PALD1: variants seen among roughly 807,000 people sequenced by gnomAD.
PALD1 encodes the protein phosphatase domain containing paladin 1, also known as paladin.
Under a neutral mutation model 96.0 loss-of-function variants are expected in PALD1, and 57 were observed. The ratio of observed to expected loss-of-function variants is 0.59; its 90% CI spans 0.48 to 0.74. The LOEUF is 0.74. PALD1 is among the 30% of genes least tolerant of loss of function. PALD1 has a pLI of 0.00. For synonymous variants in PALD1, 464 were observed against 473.6 expected (o/e 0.98, Z 0.26); for missense variants, 1,063 against 1,143.7 (o/e 0.93, Z 1.02).
chr10:70,554,369 C>T (rs1847546745), intron 18 of PALD1, among the ~76,000 whole-genome samples: 2 of 152,188 alleles, frequency 1.3e-5, no homozygotes, highest in Admixed American at 1.3e-4. Flanking sequence ...GCAGAGGTTG[C>T]AGTAAGCCGA....
chr10:70,555,954 T>A (rs530554285), intron 18 of PALD1, among the ~76,000 whole-genome samples: 11 of 152,216 alleles, frequency 7.2e-5, no homozygotes, highest in African/African-American at 2.6e-4. Context: ...TGAGCTGAGA[T>A]CGCACCACTG....
chr10:70,490,243 T>C (rs1453643968), intron 1 of PALD1, among the ~76,000 whole-genome samples: 1 of 152,020 alleles, frequency 6.6e-6, no homozygotes, highest in Non-Finnish European at 1.5e-5. Context: ...CTCTCTTTTT[T>C]AAAGGTCTCA....
Position 70,497,783 on chromosome 10 carries a change from A to G in PALD1, c.-30+18724A>G, listed in dbSNP as rs192806819. Among the ~76,000 whole-genome samples, 240 of 152,106 alleles carry G rather than the reference A, an allele frequency of 1.6e-3. 1 individual carries two copies. Among genetic ancestry groups the G allele is most frequent in the East Asian group, 9.7e-3 (50 of 5,170 alleles). The stretch of plus-strand genomic sequence containing the variant: ...GTAGAAACAGCGTTTTACCATGTTA[A>G]CCAGGATGGTCTTGATCTCCTGACC... On this transcript the variant is annotated intron_variant, in intron 1 of 19. Coordinates refer to ENST00000263563, the MANE Select transcript of PALD1 (RefSeq NM_014431.3).
At chr10:70,530,343 C>T (rs556051912) in intron 4 of PALD1, among the ~76,000 whole-genome samples, 24 of 152,272 alleles carry the variant, frequency 1.6e-4, no homozygotes, top group Admixed American at 7.2e-4. Context: ...AAGCAGGGGG[C>T]GTGACCGGGT....
chr10:70,460,654 C>G, the PALD1 span, among the ~76,000 whole-genome samples: 3 of 152,204 alleles, frequency 2.0e-5, no homozygotes, highest in Non-Finnish European at 4.4e-5. Flanking sequence ...GGAGGCCTCC[C>G]TGCCTCCACC....
intron 1 of PALD1, among the ~76,000 whole-genome samples, chr10:70,511,401 T>C (rs1846515001): frequency 6.6e-6 from 1 of 152,104 alleles, no homozygotes; most frequent in Admixed American, 6.5e-5. Context: ...GAAACTTAAG[T>C]CATCATATCT....
At chr10:70,553,788 C>T (rs894308183) in intron 18 of PALD1, among the ~76,000 whole-genome samples, 12 of 152,198 alleles carry the variant, frequency 7.9e-5, no homozygotes, top group African/African-American at 2.9e-4. Flanking sequence ...TCTCCCTGCC[C>T]ACCTTGAGCC....
chr10:70,466,071 T>G, the PALD1 span, among the ~76,000 whole-genome samples: 1 of 152,122 alleles, frequency 6.6e-6, no homozygotes, highest in African/African-American at 2.4e-5. Context: ...ACCTCCAGTG[T>G]CTCTACCTCC....
At chr10:70,509,865 T>C (rs1158621786) in intron 1 of PALD1, among the ~76,000 whole-genome samples, 1 of 152,208 alleles carries the variant, frequency 6.6e-6, no homozygotes, top group Non-Finnish European at 1.5e-5. Flanking sequence ...TCCTGGCTGT[T>C]GGACACACAG....
chr10:70,484,365 C>G (rs1165744726), intron 1 of PALD1, among the ~76,000 whole-genome samples: 1 of 152,064 alleles, frequency 6.6e-6, no homozygotes, highest in African/African-American at 2.4e-5. Flanking sequence ...TAAATCACGT[C>G]TAATATTTGA....
rs553676090 is a variant in PALD1 at position 70,525,822 on chromosome 10, G to A, written c.-29-101G>A. ...CTGCCTCTGTCTCCAGCTGCAGAGT[G>A]AGCTGCCTTTCTCTGTATGGTGGAG... On this transcript the variant is annotated intron_variant, in intron 1 of 19. Transcript: ENST00000263563. 80 of 882,676 alleles carry A rather than the reference G, an allele frequency of 9.1e-5. No homozygotes were observed. The East Asian group carries it at 2.0e-3, about 22-fold the overall frequency. 54.7% of individuals were successfully genotyped at this position (882,676 alleles called of 1,614,324 possible).
chr10:70,529,781 TGCCCC>T, intron 3 of PALD1, 103 bp from the exon 4 acceptor site: 1 of 879,424 alleles, frequency 1.1e-6, no homozygotes, highest in South Asian at 1.7e-5. Context: ...ATGTTCTTTT[TGCCCC>T]TATTTCCCCC....
At chr10:70,501,838 T>TGTGTGTGTGTGTGCGCGCGC (rs57837334) in intron 1 of PALD1, among the ~76,000 whole-genome samples, 1 of 150,330 alleles carries the variant, frequency 6.7e-6, no homozygotes, top group Non-Finnish European at 1.5e-5. Context: ...TGTGTGTGCG[T>TGTGTGTGTGTGTGCGCGCGC]GCGTGCATGC....
chr10:70,501,659 T>C (rs1361955709), intron 1 of PALD1, among the ~76,000 whole-genome samples: 2 of 151,672 alleles, frequency 1.3e-5, no homozygotes, highest in African/African-American at 4.8e-5. Context: ...TTTGTCTTTC[T>C]TTTTTTTCTA....
At chr10:70,565,673 T>C (rs1847832397) in intron 19 of PALD1, among the ~76,000 whole-genome samples, 1 of 152,070 alleles carries the variant, frequency 6.6e-6, no homozygotes, top group South Asian at 2.1e-4. Flanking sequence ...ATGCCCCCGG[T>C]GCATGTGATG....
rs61676135 is a variant in PALD1 at position 70,533,434 on chromosome 10, T to C, written c.870+364T>C. ...AGGTGTGTGTTTGTGCATTCTCTTA[T>C]GGCAGAGTCCATCACTGACCGCTGG... On this transcript the variant is annotated intron_variant, in intron 7 of 19. Transcript: ENST00000263563. Among the ~76,000 whole-genome samples the C allele has an allele frequency of 1.8e-4, 27 of 152,214 alleles. No individual in the cohort carries two copies. The East Asian group carries it at 4.4e-3, about 25-fold the overall frequency.
intron 18 of PALD1, among the ~76,000 whole-genome samples, chr10:70,560,945 A>T (rs1348445661): frequency 6.7e-6 from 1 of 148,366 alleles, no homozygotes; most frequent in East Asian, 2.0e-4. Context: ...AACATGGGGG[A>T]CGGTGTTAAG....
At chr10:70,487,453 C>G (rs1196367418) in intron 1 of PALD1, among the ~76,000 whole-genome samples, 1 of 151,812 alleles carries the variant, frequency 6.6e-6, no homozygotes, top group Non-Finnish European at 1.5e-5. Flanking sequence ...TTCTCACCTG[C>G]AGAATGGGCA....
rs1027357087 is a variant in PALD1, at chr10:70,517,112, G to A, written c.-29-8811G>A. ...ACCCACAAGATATTATTTAACTTTC[G>A]CAACTACCCCATGAAGGAGGTGCTA... On this transcript the variant is annotated intron_variant, in intron 1 of 19. Coordinates refer to ENST00000263563, the MANE Select transcript of PALD1 (RefSeq NM_014431.3). 1.3e-4 allele frequency among the ~76,000 whole-genome samples: 20 copies of A among 152,012 alleles called. No individual in the cohort carries two copies. The South Asian group carries it at 2.5e-3, about 19-fold the overall frequency.
Sources: allele counts gnomAD v4.1 joint callset (sites outside exome capture counted in the v4.1 genomes callset), GRCh38; gene constraint gnomAD v4.1.1; transcripts MANE v1.5; gene names NCBI Gene and HGNC (gene_info 2026-07-23, HGNC 2026-07-21).